KNL1: variants seen among roughly 807,000 people sequenced by gnomAD.
KNL1 encodes the protein kinetochore scaffold 1, also known as outer kinetochore KNL1 complex subunit KNL1.
KNL1 carries 66 observed loss-of-function variants against 201.3 expected under a neutral mutation model. That is an observed-to-expected ratio of 0.33 (90% confidence interval 0.27 to 0.40). KNL1 has a LOEUF of 0.40. KNL1 is among the 10% of genes least tolerant of loss of function. The probability of loss-of-function intolerance (pLI) is 1.00; values close to 1 mark genes in which losing one functional copy is unlikely to be tolerated. For synonymous variants in KNL1, 895 were observed against 899.2 expected, an observed-to-expected ratio of 1.00 and a Z score of 0.08; for missense variants, 2,815 against 2,690.5, an observed-to-expected ratio of 1.05 and a Z score of -1.02.
rs1892515911 is a variant in KNL1, at chr15:40,621,274, C to T, written c.1010C>T (p.Ser337Phe). 6.2e-7 allele frequency: 1 copy of T among 1,613,734 alleles called. No individual in the cohort carries two copies. The highest frequency in any genetic ancestry group is 8.5e-7 in the Non-Finnish European group (1 of 1,179,930). Residue 337 changes from serine (S) to phenylalanine (F), a missense_variant, in exon 10 of 26, where the codon TCT (serine) becomes TTT (phenylalanine). Ser to Phe is a radical substitution (Grantham distance 155, BLOSUM62 -2). Coordinates refer to ENST00000399668, the MANE Select transcript of KNL1 (RefSeq NM_144508.5). The part of the protein sequence containing the change: ...LQILPATGNF[S>F]EIENQTQNAM... ...ATCTTACCTGCAACAGGTAATTTTT[C>T]TGAAATAGAAAATCAAACTCAGAAT...
At chr15:40,650,248 T>C (rs1188836572) in intron 17 of KNL1, 53 bp from the exon 18 acceptor site, 12 of 1,138,424 alleles carry the variant, frequency 1.1e-5, no homozygotes, top group Non-Finnish European at 1.3e-5. Flanking sequence ...TACTTTGTTT[T>C]CTTTTTTTAC....
intron 25 of KNL1, among the ~76,000 whole-genome samples, chr15:40,661,021 C>T (rs529338379): frequency 3.1e-4 from 47 of 152,216 alleles, no homozygotes; most frequent in African/African-American, 1.0e-3. Flanking sequence ...TAGACTGTGA[C>T]GTATTTTGTG....
chr15:40,647,496 A>G (rs1893428092), intron 17 of KNL1, among the ~76,000 whole-genome samples: 3 of 152,164 alleles, frequency 2.0e-5, no homozygotes, highest in South Asian at 4.1e-4. Context: ...AATAAAATAA[A>G]TAAATAAATA....
intron 1 of KNL1, among the ~76,000 whole-genome samples, chr15:40,600,053 TGC>T: frequency 1.3e-5 from 2 of 151,500 alleles, no homozygotes; most frequent in Middle Eastern, 3.4e-3. Context: ...GGATTCTTTT[TGC>T]TGATATTTAT....
Position 40,624,437 on chromosome 15 carries a change from G to A in KNL1, c.4173G>A (p.Leu1391=). The stretch of plus-strand genomic sequence containing the variant: ...TAACACTGCACAAAGATCAAGATCT[G>A]ATTAAGGATCCACGAAATCTATTGG... ...CVITLHKDQD[L]IKDPRNLLAN... is the part of the protein sequence containing the mutation. Residue 1391 remains leucine (L), a synonymous_variant, in exon 10 of 26, where the codon CTG becomes CTA. Transcript: ENST00000399668. The A allele has an allele frequency of 6.2e-7, 1 of 1,613,948 alleles. No individual in the cohort carries two copies. Among genetic ancestry groups the A allele is most frequent in the Middle Eastern group, 1.7e-4 (1 of 6,060 alleles).
At chr15:40,615,471 A>T in intron 8 of KNL1, 93 bp downstream of exon 8, 1 of 304,778 alleles carries the variant, frequency 3.3e-6, no homozygotes. Context: ...ATGAACCACG[A>T]AAAAAAAGCA....
At chr15:40,636,704 G>T (rs1893064919) in intron 13 of KNL1, among the ~76,000 whole-genome samples, 2 of 152,076 alleles carry the variant, frequency 1.3e-5, no homozygotes, top group African/African-American at 4.8e-5. Context: ...GGTGGTGCAT[G>T]CCTGTAGTCC....
intron 13 of KNL1, among the ~76,000 whole-genome samples, chr15:40,640,119 C>T (rs1360575094): frequency 1.6e-5 from 2 of 123,398 alleles, no homozygotes; most frequent in African/African-American, 3.2e-5. Flanking sequence ...TTTTTTGAGA[C>T]GGAGTCCTGC....
chr15:40,617,051 C>T (rs1892365989), intron 8 of KNL1, among the ~76,000 whole-genome samples: 1 of 152,130 alleles, frequency 6.6e-6, no homozygotes, highest in African/African-American at 2.4e-5. Flanking sequence ...CAGGTTCAAG[C>T]GATTTTCCTG....
chr15:40,659,770 G>A (rs1382874815), intron 25 of KNL1, among the ~76,000 whole-genome samples: 2 of 151,812 alleles, frequency 1.3e-5, no homozygotes, highest in Non-Finnish European at 1.5e-5. Flanking sequence ...TTGAGCCACC[G>A]CGCCCAGCAA....
At chr15:40,604,737 T>C (rs1891920070) in intron 2 of KNL1, among the ~76,000 whole-genome samples, 1 of 152,198 alleles carries the variant, frequency 6.6e-6, no homozygotes. Context: ...TTTTTCTTGC[T>C]CCTAAAAAAT....
At chr15:40,603,074 C>A in intron 2 of KNL1, 108 bp downstream of exon 2, 5 of 706,154 alleles carry the variant, frequency 7.1e-6, no homozygotes, top group Non-Finnish European at 1.2e-5. Context: ...CATTGTGTTC[C>A]AAGAAAAAGT....
chr15:40,639,879 A>G (rs1893171524), intron 13 of KNL1, among the ~76,000 whole-genome samples: 2 of 151,816 alleles, frequency 1.3e-5, no homozygotes, highest in South Asian at 4.2e-4. Flanking sequence ...ATTCGAAACT[A>G]TCCGGGGCAA....
intron 1 of KNL1, among the ~76,000 whole-genome samples, chr15:40,599,266 T>C (rs2141692944): frequency 6.7e-6 from 1 of 149,238 alleles, no homozygotes; most frequent in African/African-American, 2.5e-5. Flanking sequence ...TGAGCCAAAA[T>C]TGCGTCACTG....
chr15:40,606,249 G>A (rs775885632), intron 3 of KNL1, 144 bp from the exon 4 acceptor site: 4 of 589,978 alleles, frequency 6.8e-6, no homozygotes, highest in African/African-American at 3.7e-5. Context: ...CTGCCACACG[G>A]TATAGCATTG....
chr15:40,639,308 G>A (rs1035165065), intron 13 of KNL1, among the ~76,000 whole-genome samples: 4 of 150,166 alleles, frequency 2.7e-5, no homozygotes, highest in African/African-American at 9.8e-5. Flanking sequence ...AATTTTGGCC[G>A]GGCACGATGG....
chr15:40,615,213 A>T (rs1892299256), intron 7 of KNL1, 128 bp from the exon 8 acceptor site: 1 of 350,318 alleles, frequency 2.9e-6, no homozygotes, highest in Admixed American at 5.4e-5. Context: ...TTTTAAAAAG[A>T]TGTCTTTATA....
intron 10 of KNL1, among the ~76,000 whole-genome samples, chr15:40,627,455 AG>A (rs1362270398): frequency 2.0e-5 from 3 of 151,274 alleles, no homozygotes; most frequent in Non-Finnish European, 4.4e-5. Flanking sequence ...TGGAGCTTGC[AG>A]TGAGCCGAGA....
chr15:40,637,625 A>G lies in KNL1; in HGVS notation c.5683-3287A>G, dbSNP rs115344393. ...TGGGTTGCTGTTAAAATGTACTGTG[A>G]GTCAGGAATGGTGGTGATGCTGAAC... On this transcript the variant is annotated intron_variant, in intron 13 of 25. Transcript: ENST00000399668. Among the ~76,000 whole-genome samples, 493 of 152,314 alleles carry G rather than the reference A, an allele frequency of 3.2e-3. 3 individuals carry two copies. The highest frequency in any genetic ancestry group is 0.011 in the African/African-American group (472 of 41,570).
Sources: gnomAD v4.1 joint callset for allele counts (sites outside exome capture counted in the v4.1 genomes callset) on GRCh38, gnomAD v4.1.1 for gene constraint, MANE v1.5 for transcripts, NCBI Gene and HGNC (gene_info 2026-07-23, HGNC 2026-07-21) for gene names.